Variants in ATM observed in about 807,000 individuals in gnomAD.
ATM encodes the protein serine-protein kinase ATM.
Under a neutral mutation model 387.0 loss-of-function variants are expected in ATM, and 308 were observed. That is an observed-to-expected ratio of 0.80 (90% CI 0.73 to 0.87). The LOEUF (loss-of-function observed/expected upper bound fraction) is 0.87, where lower values mean the gene tolerates loss of function less well. Ranked by LOEUF, ATM falls within the 40% of genes least tolerant of loss-of-function variation. The pLI, the probability that ATM is intolerant of heterozygous loss-of-function variation, is 0.00. For missense variants in ATM, 3,312 were observed against 3,560.9 expected, an observed-to-expected ratio of 0.93 and a Z score of 1.78; for synonymous variants, 1,156 against 1,187.3, an observed-to-expected ratio of 0.97 and a Z score of 0.54.
chr11:108,342,652 G>A (rs886596563), intron 56 of ATM, among the ~76,000 whole-genome samples: 2 of 152,066 alleles, frequency 1.3e-5, no homozygotes, highest in South Asian at 2.1e-4. Flanking sequence ...AAGGGTATCT[G>A]TTAATATCAT....
intron 15 of ATM, among the ~76,000 whole-genome samples, chr11:108,257,982 G>T (rs552985000): frequency 6.6e-6 from 1 of 151,916 alleles, no homozygotes; most frequent in South Asian, 2.1e-4. Flanking sequence ...CAGCAGCCTC[G>T]ACCTCCTGGG....
chr11:108,338,458 C>T (rs937968811), intron 56 of ATM, among the ~76,000 whole-genome samples: 2 of 152,136 alleles, frequency 1.3e-5, no homozygotes, highest in African/African-American at 4.8e-5. Context: ...AGTTTGAAAC[C>T]AACCTGGGCA....
chr11:108,298,475 T>G (rs2083239667), intron 33 of ATM, among the ~76,000 whole-genome samples: 1 of 152,228 alleles, frequency 6.6e-6, no homozygotes, highest in Non-Finnish European at 1.5e-5. Flanking sequence ...ACCAGAACTG[T>G]AGAAGTTTTC....
intron 13 of ATM, 32 bp downstream of exon 13, chr11:108,254,071 T>C (rs1370446716): frequency 1.3e-6 from 2 of 1,594,362 alleles, no homozygotes; most frequent in Admixed American, 1.7e-5. Flanking sequence ...ACTAAGCTTA[T>C]ATATGATTCA....
intron 5 of ATM, among the ~76,000 whole-genome samples, chr11:108,237,899 G>GTTTTTTTTTTTTTTTTTTTTTTTTTTT (rs369161623): frequency 5.4e-5 from 5 of 92,034 alleles, no homozygotes; most frequent in African/African-American, 9.4e-5. Context: ...ATTTACTTAG[G>GTTTTTTTTTTTTTTTTTTTTTTTTTTT]TTTTTTTTTT....
At chr11:108,254,452 G>A (rs540539905) in intron 13 of ATM, among the ~76,000 whole-genome samples, 1 of 152,196 alleles carries the variant, frequency 6.6e-6, no homozygotes, top group Admixed American at 6.5e-5. Flanking sequence ...GACAATAAAT[G>A]GACTAGCAAT....
intron 22 of ATM, among the ~76,000 whole-genome samples, chr11:108,273,328 A>ATTTTTTTTTT (rs2081718897): frequency 9.4e-6 from 1 of 106,404 alleles, no homozygotes; most frequent in African/African-American, 4.2e-5. Flanking sequence ...TATTAATTTC[A>ATTTTTTTTTT]TTCTTTTTTT....
chr11:108,366,156 T>C lies in ATM; in HGVS notation c.*648T>C, dbSNP rs2091317966. The C allele has an allele frequency of 2.0e-5, 4 of 196,618 alleles. No individual in the cohort carries two copies. The South Asian group carries it at 7.6e-4, about 37-fold the overall frequency. 12.2% of individuals were successfully genotyped at this position (196,618 alleles called of 1,614,324 possible). A position where few individuals can be genotyped will look rare whatever the true frequency, so the allele number is the denominator to read the frequency against. On this transcript the variant is annotated 3_prime_UTR_variant, in exon 63 of 63. Transcript: ENST00000675843. ...ACACAGTTAGTGTAGTTACTATTTT[T>C]TTAAGTGTGTATTAAAACTTCTCAT... is the stretch of plus-strand genomic sequence containing the variant.
chr11:108,349,662 A>C (rs1284803722), intron 59 of ATM, among the ~76,000 whole-genome samples: 1 of 152,036 alleles, frequency 6.6e-6, no homozygotes, highest in African/African-American at 2.4e-5. Flanking sequence ...GACTGTCTCA[A>C]AAAAAAAGAA....
rs764937436 is a variant in ATM, at chr11:108,250,938, C to G, written c.1473C>G (p.Thr491=). The G allele has an allele frequency of 3.7e-6, 6 of 1,613,970 alleles. No homozygotes were observed. The highest frequency in any genetic ancestry group is 4.2e-6 in the Non-Finnish European group (5 of 1,180,030). ...TCTGGAATAAAATTTGGTGTATTAC[C>G]TTTCGTGGTATAAGTTCTGAGCAAA... ...LKLWNKIWCI[T]FRGISSEQIQ... Residue 491 remains threonine, a synonymous_variant, in exon 10 of 63, where the codon ACC becomes ACG. Transcript: ENST00000675843.
chr11:108,308,904 G>T, intron 38 of ATM: 1 of 919,842 alleles, frequency 1.1e-6, no homozygotes, highest in Non-Finnish European at 1.7e-6. Context: ...AAGCTTTAAT[G>T]TAGTGGAGAG....
At chr11:108,306,381 T>G (rs1306220598) in intron 37 of ATM, among the ~76,000 whole-genome samples, 1 of 152,158 alleles carries the variant, frequency 6.6e-6, no homozygotes, top group Non-Finnish European at 1.5e-5. Flanking sequence ...ATCTCTTATC[T>G]TTAATTGGGA....
At chr11:108,301,436 G>A (rs1283357428) in intron 34 of ATM, among the ~76,000 whole-genome samples, 1 of 152,134 alleles carries the variant, frequency 6.6e-6, no homozygotes, top group Non-Finnish European at 1.5e-5. Context: ...TTGAATGAAG[G>A]GAATTGCAGT....
intron 61 of ATM, among the ~76,000 whole-genome samples, chr11:108,359,414 A>C (rs2090435534): frequency 6.6e-6 from 1 of 152,174 alleles, no homozygotes; most frequent in Admixed American, 6.5e-5. Context: ...AAGGATACCC[A>C]GGAATTGAAC....
intron 37 of ATM, among the ~76,000 whole-genome samples, chr11:108,306,274 G>A (rs914825554): frequency 1.3e-5 from 2 of 151,988 alleles, no homozygotes; most frequent in African/African-American, 4.8e-5. Flanking sequence ...TTCTCTAAAT[G>A]ATCTAGAATG....
rs375754332 is a variant in ATM, at chr11:108,251,860, T to C, written c.1631T>C (p.Leu544Ser). The C allele has an allele frequency of 1.7e-5, 28 of 1,613,760 alleles. No homozygotes were observed. In the African/African-American group the frequency reaches 3.6e-4, roughly 21 times the overall value. ...PSCPAVCCLT[L>S]ALTTSIVPGT... ...AGTCCTGCAGTATGCTGTTTGACTT[T>C]GGCACTGACCACCAGTATAGTTCCA... Residue 544 changes from leucine (L) to serine (S), a missense_variant, in exon 11 of 63, where the codon TTG becomes TCG. By Grantham distance (145) the Leu-to-Ser change is moderately radical (BLOSUM62 -2). This residue lies in a region of ATM where 1,791 missense variants were observed against 1,804.5 expected (regional missense o/e 0.99). Transcript: ENST00000675843.
At chr11:108,333,771 C>T in intron 53 of ATM, 115 bp from the exon 54 acceptor site, 1 of 860,788 alleles carries the variant, frequency 1.2e-6, no homozygotes, top group African/African-American at 1.7e-5. Flanking sequence ...TCAATCAGAG[C>T]CTGAACCACA....
chr11:108,286,953 G>C (rs2135729845), intron 26 of ATM, among the ~76,000 whole-genome samples: 1 of 152,266 alleles, frequency 6.6e-6, no homozygotes, highest in South Asian at 2.1e-4. Context: ...CAACATAGCA[G>C]ACTTATTCTT....
At chr11:108,308,164 T>C (rs968700841) in intron 38 of ATM, 180 bp downstream of exon 38, 2 of 642,486 alleles carry the variant, frequency 3.1e-6, no homozygotes, top group African/African-American at 3.6e-5. Flanking sequence ...GTTAAATCAG[T>C]GTCAAGAACT....
Sources: gnomAD v4.1 joint callset for allele counts (sites outside exome capture counted in the v4.1 genomes callset) on GRCh38, gnomAD v4.1.1 for gene constraint, gnomAD v4.1.1 regional missense constraint, MANE v1.5 for transcripts, NCBI Gene and HGNC (gene_info 2026-07-23, HGNC 2026-07-21) for gene names.